Variants in GTF2E2 observed in about 807,000 individuals in gnomAD.
GTF2E2 encodes the protein general transcription factor IIE subunit 2.
In GTF2E2, 21 loss-of-function variants were observed where a neutral mutation model predicts 40.5. That is an observed-to-expected ratio of 0.52 (90% CI 0.37 to 0.75). The LOEUF (loss-of-function observed/expected upper bound fraction) is 0.75. GTF2E2 is among the 30% of genes least tolerant of loss of function. The probability of loss-of-function intolerance (pLI) is 0.00; values close to 1 mark genes in which losing one functional copy is unlikely to be tolerated. For missense variants in GTF2E2, 298 were observed against 338.4 expected (o/e 0.88, Z 0.94); for synonymous variants, 117 against 121.6 (o/e 0.96, Z 0.25).
intron 2 of GTF2E2, chr8:30,645,312 G>T (rs1477951449): frequency 6.5e-6 from 10 of 1,533,868 alleles, no homozygotes; most frequent in Non-Finnish European, 8.7e-6. Context: ...CTCTAAGAAT[G>T]GCTTCCAGCC....
intron 6 of GTF2E2, among the ~76,000 whole-genome samples, chr8:30,583,801 T>A (rs60404826): frequency 0.2 from 30,562 of 150,294 alleles, 3,282 homozygotes; most frequent in Middle Eastern, 0.32. Flanking sequence ...TTATTTATTT[T>A]ATTTATTTAT....
intron 6 of GTF2E2, among the ~76,000 whole-genome samples, chr8:30,595,086 T>C (rs555818571): frequency 3.3e-5 from 5 of 152,332 alleles, no homozygotes; most frequent in South Asian, 2.1e-4. Flanking sequence ...ATCTCCACTA[T>C]TGGCTTATTA....
intron 1 of GTF2E2, among the ~76,000 whole-genome samples, chr8:30,655,597 T>C (rs1030462628): frequency 2.0e-5 from 3 of 152,196 alleles, no homozygotes; most frequent in Non-Finnish European, 2.9e-5. Flanking sequence ...CTTTATTAAA[T>C]ATCTTGTTTG....
rs1828424219 is a variant in GTF2E2 at position 30,578,678 on chromosome 8, T to C, written c.*243A>G. 1 of 369,128 alleles carries C rather than the reference T, an allele frequency of 2.7e-6. No homozygotes were observed. The highest frequency in any genetic ancestry group is 5.0e-6 in the Non-Finnish European group (1 of 201,754). 22.9% of individuals were successfully genotyped at this position (369,128 alleles called of 1,614,324 possible). On this transcript the variant is annotated 3_prime_UTR_variant, in exon 8 of 8. Transcript: ENST00000355904. ...GAAAAACACAGCAAAGACACCTGCA[T>C]GCCACGCTCAGCGCCTTTCTCCCAG...
In GTF2E2 at chr8:30,607,120, G is replaced by A. The variant is rs749607324; in HGVS notation, c.580C>T (p.Arg194Cys). Residue 194 changes from arginine to cysteine, a missense_variant, in exon 6 of 8, where the codon CGT becomes TGT. By Grantham distance (180) the Arg-to-Cys change is radical. Transcript: ENST00000355904. ...ALGDQILFVNRPDKKKILFFN... is the reference protein window; with the variant it reads ...ALGDQILFVNCPDKKKILFFN... The stretch of plus-strand genomic sequence containing the variant: ...AAAAGTATTTTCTTCTTATCGGGAC[G>A]ATTTACAAATAGTATCTGGTCCCCC... 9 of 1,468,798 alleles carry A rather than the reference G, an allele frequency of 6.1e-6. No individual in the cohort carries two copies. Among genetic ancestry groups the A allele is most frequent in the Middle Eastern group, 1.8e-4 (1 of 5,700 alleles). The allele number at this position is 1,468,798 out of a possible 1,614,324, so 91.0% of individuals were successfully genotyped here.
intron 6 of GTF2E2, among the ~76,000 whole-genome samples, chr8:30,586,816 T>G (rs1454547808): frequency 6.6e-6 from 1 of 152,172 alleles, no homozygotes; most frequent in Non-Finnish European, 1.5e-5. Context: ...TGCAGGAGAA[T>G]GAAATGAGGC....
intron 6 of GTF2E2, among the ~76,000 whole-genome samples, chr8:30,583,968 G>A (rs1036774583): frequency 1.4e-5 from 2 of 147,756 alleles, no homozygotes; most frequent in African/African-American, 5.3e-5. Context: ...ACCACGCCCA[G>A]TTAACTTTTT....
chr8:30,645,249 CTACA>C (rs1475178889), intron 2 of GTF2E2: 3 of 1,449,794 alleles, frequency 2.1e-6, no homozygotes, highest in Admixed American at 2.4e-5. Context: ...CTGTAGTTTG[CTACA>C]TAAATTCATT....
chr8:30,644,343 G>C (rs1311759213), intron 2 of GTF2E2: 1 of 151,972 alleles, frequency 6.6e-6, no homozygotes, highest in Non-Finnish European at 1.5e-5. Context: ...TATGTCTATG[G>C]GTCACTCAGG....
At chr8:30,613,217 A>C (rs1829530094) in intron 4 of GTF2E2, among the ~76,000 whole-genome samples, 1 of 152,252 alleles carries the variant, frequency 6.6e-6, no homozygotes. Context: ...TTATAAAGTA[A>C]GGAACATAAC....
At chr8:30,627,448 CAAAAAAAAAA>C (rs71539905) in intron 3 of GTF2E2, among the ~76,000 whole-genome samples, 5 of 64,770 alleles carry the variant, frequency 7.7e-5, no homozygotes, top group Non-Finnish European at 1.4e-4. Context: ...ACCTCTCTTG[CAAAAAAAAAA>C]AAAAAAAAAA....
At chr8:30,582,294 G>C (rs1434399637) in intron 6 of GTF2E2, among the ~76,000 whole-genome samples, 2 of 152,186 alleles carry the variant, frequency 1.3e-5, no homozygotes, top group Non-Finnish European at 2.9e-5. Context: ...GAAGTGCTGG[G>C]ATTACAGGTG....
At chr8:30,641,474 C>T (rs4733195) in intron 2 of GTF2E2, among the ~76,000 whole-genome samples, 8 of 152,184 alleles carry the variant, frequency 5.3e-5, no homozygotes, top group Admixed American at 1.3e-4. Flanking sequence ...GCTATCCCCC[C>T]ACCTGAGCCT....
At chr8:30,651,725 T>C (rs973911132) in intron 2 of GTF2E2, among the ~76,000 whole-genome samples, 2 of 152,256 alleles carry the variant, frequency 1.3e-5, no homozygotes, top group Admixed American at 1.3e-4. Flanking sequence ...TTGCAAATGT[T>C]GATAGATTGA....
chr8:30,623,700 T>C (rs1801180731), intron 3 of GTF2E2, among the ~76,000 whole-genome samples: 1 of 152,030 alleles, frequency 6.6e-6, no homozygotes, highest in Non-Finnish European at 1.5e-5. Flanking sequence ...TTTTTAATGA[T>C]CATCATTCTA....
rs183750463 is a variant in GTF2E2, at chr8:30,612,148, G to C, written c.549+151C>G. On this transcript the variant is annotated intron_variant, in intron 5 of 7. Coordinates refer to ENST00000355904, the MANE Select transcript of GTF2E2 (RefSeq NM_002095.6). Reference sequence around the variant, plus strand: ...CTCCCTTTCCTGCTAGGTGGCACAAGACAAATTTCAAACCTTCAAGTGGCT... The same window carrying C: ...CTCCCTTTCCTGCTAGGTGGCACAACACAAATTTCAAACCTTCAAGTGGCT... 2.9e-3 allele frequency: 1,513 copies of C among 520,978 alleles called. 4 individuals are homozygous for C. The highest frequency in any genetic ancestry group is 4.2e-3 in the Non-Finnish European group (1,244 of 296,336). 32.3% of individuals were successfully genotyped at this position (520,978 alleles called of 1,614,324 possible).
chr8:30,617,325 A>G (rs771555875), intron 3 of GTF2E2, among the ~76,000 whole-genome samples: 2 of 152,214 alleles, frequency 1.3e-5, no homozygotes, highest in African/African-American at 2.4e-5. Context: ...TCATTCAAAT[A>G]TTTAGTGGTA....
intron 3 of GTF2E2, among the ~76,000 whole-genome samples, chr8:30,625,398 T>G (rs1232820582): frequency 6.6e-6 from 1 of 152,134 alleles, no homozygotes; most frequent in Non-Finnish European, 1.5e-5. Flanking sequence ...ACTGGGTTTC[T>G]CAACCAGCAT....
At chr8:30,599,405 C>G (rs1298861183) in intron 6 of GTF2E2, among the ~76,000 whole-genome samples, 1 of 151,984 alleles carries the variant, frequency 6.6e-6, no homozygotes, top group Non-Finnish European at 1.5e-5. Flanking sequence ...TGGTGAAACC[C>G]TGTCTCTACT....
Sources: gnomAD v4.1 joint callset for allele counts (sites outside exome capture counted in the v4.1 genomes callset) on GRCh38, gnomAD v4.1.1 for gene constraint, MANE v1.5 for transcripts, NCBI Gene and HGNC (gene_info 2026-07-23, HGNC 2026-07-21) for gene names.